The following RARB variants were observed in gnomAD, a reference collection of about 807,000 sequenced individuals.
RARB encodes the protein retinoic acid receptor beta.
In RARB, 17 loss-of-function variants were observed where a neutral mutation model predicts 51.9. The observed-to-expected ratio is 0.33, with a 90% confidence interval of 0.22 to 0.49. The LOEUF (loss-of-function observed/expected upper bound fraction) is 0.49, where lower values mean the gene tolerates loss of function less well. Among genes scored for constraint, RARB ranks in the 20% least tolerant of loss-of-function variants. The probability of loss-of-function intolerance (pLI) is 0.99; values close to 1 mark genes in which losing one functional copy is unlikely to be tolerated. For synonymous variants in RARB, 215 were observed against 195.4 expected (o/e 1.10, Z -0.84); for missense variants, 369 against 550.8 (o/e 0.67, Z 3.30).
chr3:25,044,709 G>C (rs1698179416), intron 2 of RARB, among the ~76,000 whole-genome samples: 1 of 152,290 alleles, frequency 6.6e-6, no homozygotes, highest in African/African-American at 2.4e-5. Context: ...TTTGTAGATG[G>C]AATGAATAGT....
intron 3 of RARB, among the ~76,000 whole-genome samples, chr3:25,517,942 C>G (rs1346734743): frequency 6.6e-6 from 1 of 152,062 alleles, no homozygotes; most frequent in Non-Finnish European, 1.5e-5. Context: ...CCAGAAAGGG[C>G]AAATCCATAG....
chr3:25,318,343 T>G (rs940699513), intron 5 of RARB, among the ~76,000 whole-genome samples: 4 of 152,204 alleles, frequency 2.6e-5, no homozygotes, highest in Admixed American at 6.6e-5. Context: ...AAATCCACCT[T>G]ATTGTAATAG....
At chr3:25,575,663 C>T (rs777875166) in intron 4 of RARB, among the ~76,000 whole-genome samples, 80 of 152,298 alleles carry the variant, frequency 5.3e-4, no homozygotes, top group Middle Eastern at 6.8e-3. Context: ...TGCATGTCAA[C>T]CTCTGTCCAG....
At chr3:25,259,830 G>C in intron 5 of RARB, 6 of 842,626 alleles carry the variant, frequency 7.1e-6, no homozygotes, top group Non-Finnish European at 8.6e-6. Context: ...TAAAGTCAGA[G>C]CTCTTGGTAT....
chr3:25,055,644 G>A (rs62228518), intron 2 of RARB, among the ~76,000 whole-genome samples: 14,318 of 152,080 alleles, frequency 0.094, 681 homozygotes, highest in African/African-American at 0.11. Context: ...GTTATTAGGA[G>A]GAATTGGGGA....
intron 2 of RARB, among the ~76,000 whole-genome samples, chr3:24,899,435 A>G (rs1703549386): frequency 6.6e-6 from 1 of 152,158 alleles, no homozygotes; most frequent in Admixed American, 6.5e-5. Flanking sequence ...TGTTTGTGGA[A>G]AGGTTCCGTC....
At chr3:25,090,269 A>G (rs73821736) in intron 3 of RARB, among the ~76,000 whole-genome samples, 3,231 of 152,244 alleles carry the variant, frequency 0.021, 130 homozygotes, top group East Asian at 0.15. Flanking sequence ...GTTCTTGGGA[A>G]AAATAAGTAC....
intron 3 of RARB, among the ~76,000 whole-genome samples, chr3:25,076,017 G>C (rs879458652): frequency 4.6e-5 from 7 of 152,166 alleles, no homozygotes; most frequent in Non-Finnish European, 7.3e-5. Context: ...AATTCAGATA[G>C]AGTTTATTGC....
chr3:25,104,338 T>A (rs1699458603), intron 3 of RARB, among the ~76,000 whole-genome samples: 1 of 152,162 alleles, frequency 6.6e-6, no homozygotes, highest in African/African-American at 2.4e-5. Flanking sequence ...TGCACTCATC[T>A]TATCACCCAT....
At chr3:25,032,021 AT>A (rs1001995038) in intron 2 of RARB, among the ~76,000 whole-genome samples, 5 of 151,612 alleles carry the variant, frequency 3.3e-5, no homozygotes, top group African/African-American at 1.2e-4. Flanking sequence ...AGGAGAAGGA[AT>A]TTTTTTTCTA....
At chr3:25,244,761 T>C (rs981765605) in intron 5 of RARB, among the ~76,000 whole-genome samples, 1 of 152,232 alleles carries the variant, frequency 6.6e-6, no homozygotes, top group Non-Finnish European at 1.5e-5. Flanking sequence ...ATAAGTGCTA[T>C]GTAGTGCTGA....
intron 5 of RARB, among the ~76,000 whole-genome samples, chr3:25,405,793 C>T (rs894213583): frequency 6.6e-6 from 1 of 152,160 alleles, no homozygotes; most frequent in Non-Finnish European, 1.5e-5. Flanking sequence ...GACAATGCTG[C>T]TCTGAAAGTT....
chr3:25,592,845 C>T (rs1157782924), intron 5 of RARB, among the ~76,000 whole-genome samples: 2 of 152,166 alleles, frequency 1.3e-5, no homozygotes, highest in African/African-American at 4.8e-5. Flanking sequence ...TCTGAACTCC[C>T]TAGTACCTTG....
rs71087718 is a variant in RARB at position 25,482,521 on chromosome 3, A to ATTTTTTT, written c.307-18631_307-18625dup. ...TAACTTTAAATTTTCTAGCAGCCAA[A>ATTTTTTT]TTTTTTTTTTTTTTTTTTTTTTTTT... is the stretch of plus-strand genomic sequence containing the variant. On this transcript the variant is annotated intron_variant, in intron 2 of 7. Transcript: ENST00000330688. Among the ~76,000 whole-genome samples, 243 of 65,776 alleles carry ATTTTTTT rather than the reference A, an allele frequency of 3.7e-3. 51 individuals carry two copies. The highest frequency in any genetic ancestry group is 0.016 in the African/African-American group (231 of 14,272). 43.2% of individuals were successfully genotyped at this position (65,776 alleles called of 152,430 possible).
At chr3:24,856,265 G>A in intron 1 of RARB, among the ~76,000 whole-genome samples, 1 of 152,072 alleles carries the variant, frequency 6.6e-6, no homozygotes, top group East Asian at 1.9e-4. Context: ...GGCATGCTTG[G>A]GGATTATAGT....
intron 2 of RARB, among the ~76,000 whole-genome samples, chr3:25,043,590 C>A (rs1698154876): frequency 1.3e-5 from 2 of 152,230 alleles, no homozygotes; most frequent in South Asian, 4.2e-4. Flanking sequence ...ATAGCTTATT[C>A]CTCCCATGGA....
intron 3 of RARB, among the ~76,000 whole-genome samples, chr3:25,129,630 A>G (rs542087267): frequency 3.3e-5 from 5 of 152,208 alleles, no homozygotes; most frequent in Admixed American, 1.3e-4. Flanking sequence ...ACTCATCTCT[A>G]TCATCTGATT....
In RARB at chr3:25,233,843, G is replaced by T. The variant is rs112642908; in HGVS notation, c.178+59268G>T. On this transcript the variant is annotated intron_variant, in intron 5 of 11. Transcript: ENST00000383772. Reference sequence around the variant, plus strand: ...CTATATCTATTGAGAAGATCATATGGTTCATCTTCCTTAATCTGTTAATGC... The same window carrying T: ...CTATATCTATTGAGAAGATCATATGTTTCATCTTCCTTAATCTGTTAATGC... Among the ~76,000 whole-genome samples the T allele has an allele frequency of 5.6e-3, 853 of 151,404 alleles. 13 individuals are homozygous for T. The highest frequency in any genetic ancestry group is 0.018 in the African/African-American group (755 of 41,300).
At chr3:25,235,588 C>A (rs558646636) in intron 5 of RARB, among the ~76,000 whole-genome samples, 1 of 152,150 alleles carries the variant, frequency 6.6e-6, no homozygotes, top group Non-Finnish European at 1.5e-5. Context: ...TTTACTCACT[C>A]AAATCACAGA....
Sources: gnomAD v4.1 joint callset for allele counts (sites outside exome capture counted in the v4.1 genomes callset) on GRCh38, gnomAD v4.1.1 for gene constraint, MANE v1.5 for transcripts, NCBI Gene and HGNC (gene_info 2026-07-23, HGNC 2026-07-21) for gene names.